The following SPECC1 variants were observed in gnomAD, a reference collection of about 807,000 sequenced individuals.
SPECC1 encodes sperm antigen with calponin homology and coiled-coil domains 1, also known as cytospin-B.
A neutral mutation model predicts 104.1 loss-of-function variants in SPECC1; 62 were observed. The observed-to-expected ratio is 0.60, with a 90% CI of 0.49 to 0.74. The LOEUF is 0.74. Among genes scored for constraint, SPECC1 ranks in the 30% least tolerant of loss-of-function variants. The pLI is 0.00. For missense variants in SPECC1, 1,306 were observed against 1,310.5 expected, an observed-to-expected ratio of 1.00 and a Z score of 0.05; for synonymous variants, 513 against 501.6, an observed-to-expected ratio of 1.02 and a Z score of -0.30.
intron 5 of SPECC1, among the ~76,000 whole-genome samples, chr17:20,231,330 A>T (rs956755485): frequency 3.9e-5 from 6 of 152,230 alleles, no homozygotes; most frequent in African/African-American, 1.4e-4. Flanking sequence ...TTTACAAATC[A>T]CAGGAGGAAT....
intron 3 of SPECC1, among the ~76,000 whole-genome samples, chr17:20,129,057 T>G (rs2049465995): frequency 6.6e-6 from 1 of 152,024 alleles, no homozygotes; most frequent in Non-Finnish European, 1.5e-5. Context: ...CATGCCTGGT[T>G]AATTTTTTAA....
At chr17:20,027,537 A>C (rs9896010) in intron 1 of SPECC1, among the ~76,000 whole-genome samples, 1 of 151,986 alleles carries the variant, frequency 6.6e-6, no homozygotes, top group Non-Finnish European at 1.5e-5. Flanking sequence ...TATGTTTTCT[A>C]CCAGTAGTTT....
chr17:20,235,159 G>C (rs2038834098), intron 7 of SPECC1, among the ~76,000 whole-genome samples: 2 of 152,180 alleles, frequency 1.3e-5, no homozygotes, highest in Non-Finnish European at 2.9e-5. Flanking sequence ...ACCTTTCCCT[G>C]GTGGGAGAGT....
chr17:20,061,719 A>G (rs1233090876), intron 1 of SPECC1, among the ~76,000 whole-genome samples: 4 of 152,206 alleles, frequency 2.6e-5, no homozygotes, highest in African/African-American at 4.8e-5. Context: ...AATGTTTTCT[A>G]TAACTTACTG....
intron 1 of SPECC1, among the ~76,000 whole-genome samples, chr17:20,031,087 TG>T (rs1219832409): frequency 6.6e-6 from 1 of 152,144 alleles, no homozygotes; most frequent in Non-Finnish European, 1.5e-5. Flanking sequence ...CTCTGCCTCC[TG>T]GGTTCAAGCA....
At position 20,188,764 on chromosome 17, in the gene SPECC1, T is replaced by G. The variant is rs376993951; in HGVS notation, c.284-15569T>G. Among the ~76,000 whole-genome samples, 21 of 152,322 alleles carry G rather than the reference T, an allele frequency of 1.4e-4. No homozygotes were observed. The South Asian group carries it at 4.4e-3, about 32-fold the overall frequency. On this transcript the variant is annotated intron_variant, in intron 3 of 14. Coordinates refer to ENST00000395527, the MANE Select transcript of SPECC1 (RefSeq NM_001243439.2). Reference sequence around the variant, plus strand: ...CACAAAGGTAAAGTGCTGTTATCCTTCCTACATAGTAAACTCCGATTCAAA... The same window carrying G: ...CACAAAGGTAAAGTGCTGTTATCCTGCCTACATAGTAAACTCCGATTCAAA...
At chr17:20,154,956 AG>A (rs1181055511) in intron 3 of SPECC1, among the ~76,000 whole-genome samples, 1 of 152,142 alleles carries the variant, frequency 6.6e-6, no homozygotes, top group Non-Finnish European at 1.5e-5. Flanking sequence ...GGAGATGGAG[AG>A]GACTATTAAA....
chr17:20,259,243 G>C (rs2039942350), intron 11 of SPECC1, among the ~76,000 whole-genome samples: 1 of 152,162 alleles, frequency 6.6e-6, no homozygotes, highest in Admixed American at 6.5e-5. Flanking sequence ...ATATTGTCCT[G>C]TTTATGTGCA....
chr17:20,316,692 GTTGT>G lies in SPECC1; in HGVS notation c.*2638_*2641del, dbSNP rs1376526606. The G allele has an allele frequency of 7.6e-5, 9 of 118,878 alleles. No homozygotes were observed. Among genetic ancestry groups the G allele is most frequent in the Non-Finnish European group, 1.0e-4 (7 of 67,034 alleles). The allele number at this position is 118,878 out of a possible 1,614,324, so 7.4% of individuals were successfully genotyped here. ...GCTGTTTTTTTGTGTTTTTTTTGTT[GTTGT>G]TTGTTTGTTTTTTTTTTTGAGACAG... On this transcript the variant is annotated 3_prime_UTR_variant, in exon 15 of 15. Transcript: ENST00000395527.
At chr17:20,212,058 G>A (rs1383259197) in intron 4 of SPECC1, among the ~76,000 whole-genome samples, 2 of 152,176 alleles carry the variant, frequency 1.3e-5, no homozygotes, top group East Asian at 3.8e-4. Flanking sequence ...TTGCCTCTGA[G>A]TTCCTAAAGG....
At chr17:20,117,824 C>T (rs949327216) in intron 3 of SPECC1, among the ~76,000 whole-genome samples, 8 of 151,382 alleles carry the variant, frequency 5.3e-5, no homozygotes, top group African/African-American at 1.7e-4. Flanking sequence ...TAAAGCAAGG[C>T]TGGGTGCGGT....
chr17:20,309,889 C>T (rs1385410863), intron 14 of SPECC1, among the ~76,000 whole-genome samples: 1 of 146,112 alleles, frequency 6.8e-6, no homozygotes, highest in Admixed American at 7.1e-5. Flanking sequence ...GCAATCTTGG[C>T]TCACTGCAAC....
At chr17:20,177,757 T>G (rs1009702026) in intron 3 of SPECC1, among the ~76,000 whole-genome samples, 3 of 152,230 alleles carry the variant, frequency 2.0e-5, no homozygotes, top group African/African-American at 7.2e-5. Context: ...TCGCCCAGGC[T>G]GGAGTGCAGT....
intron 13 of SPECC1, among the ~76,000 whole-genome samples, chr17:20,298,948 A>AGAGAGAGTGTGTGTGTGT: frequency 7.9e-4 from 39 of 49,072 alleles, no homozygotes; most frequent in African/African-American, 3.1e-3. Flanking sequence ...AGAGAGAGAG[A>AGAGAGAGTGTGTGTGTGT]GTGTGTGTGT....
intron 1 of SPECC1, among the ~76,000 whole-genome samples, chr17:20,023,332 G>A (rs2044468579): frequency 6.6e-6 from 1 of 152,130 alleles, no homozygotes; most frequent in Non-Finnish European, 1.5e-5. Context: ...TAAGGTGCAA[G>A]GTTATACATA....
At chr17:20,175,171 C>T (rs894415084) in intron 3 of SPECC1, among the ~76,000 whole-genome samples, 4 of 152,162 alleles carry the variant, frequency 2.6e-5, no homozygotes, top group African/African-American at 9.6e-5. Context: ...CTGCAGCCCC[C>T]AGAGGGGATG....
At chr17:20,109,596 T>C (rs1476115331) in intron 2 of SPECC1, among the ~76,000 whole-genome samples, 5 of 152,262 alleles carry the variant, frequency 3.3e-5, no homozygotes, top group Non-Finnish European at 7.3e-5. Context: ...TTCTTCTGTC[T>C]TCCAGCCTCC....
intron 3 of SPECC1, among the ~76,000 whole-genome samples, chr17:20,194,525 T>TTTTTTTTTTTTTTTTTTTTTTTTTTTG (rs2035896918): frequency 7.0e-6 from 1 of 143,206 alleles, no homozygotes; most frequent in African/African-American, 2.7e-5. Flanking sequence ...TTTTTTTTTT[T>TTTTTTTTTTTTTTTTTTTTTTTTTTTG]GAGACAGAGT....
At position 20,256,754 on chromosome 17, in the gene SPECC1, C is replaced by A. The variant is rs1296542451; in HGVS notation, c.2681-697C>A. Among the ~76,000 whole-genome samples the A allele has an allele frequency of 3.0e-4, 45 of 152,292 alleles. 1 individual carries two copies. Among genetic ancestry groups the A allele is most frequent in the Admixed American group, 2.9e-3 (45 of 15,306 alleles). On this transcript the variant is annotated intron_variant, in intron 10 of 14. Transcript: ENST00000395527. The stretch of plus-strand genomic sequence containing the variant: ...CTGGCTAGACATGGTGGTGCACTTT[C>A]CTGTAGTCCCAGCTACTTGGGAGGC...
Sources: allele counts gnomAD v4.1 joint callset (sites outside exome capture counted in the v4.1 genomes callset), GRCh38; gene constraint gnomAD v4.1.1; transcripts MANE v1.5; gene names NCBI Gene and HGNC (gene_info 2026-07-23, HGNC 2026-07-21).